The following MED12L variants were observed in gnomAD, a reference collection of about 807,000 sequenced individuals.
MED12L encodes the protein mediator complex subunit 12L.
Under a neutral mutation model 281.3 loss-of-function variants are expected in MED12L, and 60 were observed. That is an observed-to-expected ratio of 0.21 (90% CI 0.17 to 0.26). The LOEUF (loss-of-function observed/expected upper bound fraction) is 0.26. Ranked by LOEUF, MED12L falls within the 10% of genes least tolerant of loss-of-function variation. The probability of loss-of-function intolerance (pLI) is 1.00; values close to 1 mark genes in which losing one functional copy is unlikely to be tolerated. For missense variants in MED12L, 2,146 were observed against 2,680.9 expected (o/e 0.80, Z 4.41); for synonymous variants, 974 against 987.2 (o/e 0.99, Z 0.25).
At chr3:151,164,884 G>A (rs1720482332) in intron 9 of MED12L, among the ~76,000 whole-genome samples, 1 of 152,096 alleles carries the variant, frequency 6.6e-6, no homozygotes, top group African/African-American at 2.4e-5. Context: ...GATGGCATTA[G>A]GAGATATACC....
At chr3:151,280,522 T>G (rs905395783) in intron 16 of MED12L, among the ~76,000 whole-genome samples, 1 of 152,184 alleles carries the variant, frequency 6.6e-6, no homozygotes, top group African/African-American at 2.4e-5. Context: ...ATATGTCTCC[T>G]CTGATTTCAT....
intron 16 of MED12L, chr3:151,213,714 C>T (rs1727601816): frequency 6.2e-7 from 1 of 1,614,020 alleles, no homozygotes; most frequent in Admixed American, 1.7e-5. Context: ...AAACGATTAA[C>T]AAAAGAAACA....
chr3:151,379,699 C>T (rs1245959059), intron 31 of MED12L, among the ~76,000 whole-genome samples: 1 of 152,142 alleles, frequency 6.6e-6, no homozygotes, highest in African/African-American at 2.4e-5. Flanking sequence ...TATATATAGG[C>T]CTGTTTTCCC....
intron 16 of MED12L, among the ~76,000 whole-genome samples, chr3:151,347,756 C>T (rs1349088113): frequency 8.5e-5 from 13 of 152,130 alleles, no homozygotes; most frequent in Non-Finnish European, 1.8e-4. Context: ...CATTATACTT[C>T]GAAGCATTTT....
chr3:151,226,188 G>T (rs1013519692), intron 16 of MED12L, among the ~76,000 whole-genome samples: 2 of 152,194 alleles, frequency 1.3e-5, no homozygotes, highest in African/African-American at 4.8e-5. Context: ...GGTGGCATCA[G>T]GGCAGCCTTC....
intron 16 of MED12L, among the ~76,000 whole-genome samples, chr3:151,348,573 C>CT (rs542135245): frequency 0.05 from 6,641 of 132,354 alleles, 285 homozygotes; most frequent in African/African-American, 0.12. Context: ...CTCCTAGCTT[C>CT]TTTTTTTTTT....
intron 16 of MED12L, among the ~76,000 whole-genome samples, chr3:151,208,674 A>T (rs1253409803): frequency 6.6e-6 from 1 of 152,136 alleles, no homozygotes; most frequent in Admixed American, 6.5e-5. Context: ...GCAAGACTCT[A>T]TGTCAAAAAA....
chr3:151,330,568 G>A (rs1222320291), intron 16 of MED12L, among the ~76,000 whole-genome samples: 1 of 152,148 alleles, frequency 6.6e-6, no homozygotes, highest in Non-Finnish European at 1.5e-5. Context: ...TGGAGTTCAT[G>A]GTGAGTTTCA....
Position 151,158,785 on chromosome 3 carries a change from C to T in MED12L, c.823C>T (p.Pro275Ser). 1 of 1,608,860 alleles carries T rather than the reference C, an allele frequency of 6.2e-7. No homozygotes were observed. Among genetic ancestry groups the T allele is most frequent in the Non-Finnish European group, 8.5e-7 (1 of 1,175,706 alleles). Residue 275 changes from proline to serine, a missense_variant, in exon 7 of 45, where the codon CCA becomes TCA. By Grantham distance (74) the Pro-to-Ser change is moderately conservative. Around this residue, in one of 9 missense-constraint regions of MED12L, gnomAD observed 722 missense variants for 861.2 expected, o/e 0.84. Coordinates refer to ENST00000687756, the MANE Select transcript of MED12L (RefSeq NM_001393769.1). ...MDDDLLKLLL[P>S]LMLQYSDEFV... ...TGATGATCTTCTTAAACTCTTGCTA[C>T]CACTAATGCTGCAGGTATAGTACAT...
intron 16 of MED12L, chr3:151,213,475 A>C: frequency 6.2e-7 from 1 of 1,614,202 alleles, no homozygotes; most frequent in Non-Finnish European, 8.5e-7. Context: ...AGATAGTAGC[A>C]GAGTGAATTC....
At chr3:151,328,624 C>T in intron 16 of MED12L, 1 of 1,613,696 alleles carries the variant, frequency 6.2e-7, no homozygotes, top group African/African-American at 1.3e-5. Flanking sequence ...GTCTGATGAT[C>T]TTGAGGAATC....
intron 16 of MED12L, among the ~76,000 whole-genome samples, chr3:151,303,075 A>G (rs144857447): frequency 9.2e-5 from 14 of 152,312 alleles, no homozygotes; most frequent in African/African-American, 2.2e-4. Flanking sequence ...AAGATAAGGT[A>G]TAATAGTCTA....
At position 151,257,223 on chromosome 3, in the gene MED12L, A is replaced by G. The variant is rs1244509450; in HGVS notation, c.2250+63557A>G. Among the ~76,000 whole-genome samples, 4 of 152,200 alleles carry G rather than the reference A, an allele frequency of 2.6e-5. No homozygotes were observed. The South Asian group carries it at 8.3e-4, about 31-fold the overall frequency. On this transcript the variant is annotated intron_variant, in intron 16 of 44. Coordinates refer to ENST00000687756, the MANE Select transcript of MED12L (RefSeq NM_001393769.1). Reference sequence around the variant, plus strand: ...TCTTTCTCTGTACCACTTATTCTTCAGCTTCAGTGTAATTCTCAGTTTACT... The same window carrying G: ...TCTTTCTCTGTACCACTTATTCTTCGGCTTCAGTGTAATTCTCAGTTTACT...
Position 151,380,168 on chromosome 3 carries a change from G to C in MED12L, c.4534G>C (p.Gly1512Arg). The C allele has an allele frequency of 6.2e-7, 1 of 1,610,100 alleles. No individual in the cohort carries two copies. Among genetic ancestry groups the C allele is most frequent in the Non-Finnish European group, 8.5e-7 (1 of 1,178,656 alleles). ...CTCACTGGTACTTACCTGCCTTAAG[G>C]GACAAGATGAACAAAGGGAAGGCCT... ...FLSLVLTCLK[G>R]QDEQREGLLT... Residue 1512 changes from glycine (G) to arginine (R), a missense_variant, in exon 32 of 45, where the codon GGA becomes CGA. Gly to Arg is a moderately radical substitution (Grantham distance 125). Coordinates refer to ENST00000687756, the MANE Select transcript of MED12L (RefSeq NM_001393769.1).
intron 17 of MED12L, among the ~76,000 whole-genome samples, chr3:151,353,505 C>A (rs1367111483): frequency 6.6e-6 from 1 of 152,164 alleles, no homozygotes; most frequent in South Asian, 2.1e-4. Context: ...ACTTATGTTA[C>A]CCCAGCACCT....
chr3:151,213,286 A>G, intron 16 of MED12L: 1 of 1,567,254 alleles, frequency 6.4e-7, no homozygotes, highest in Non-Finnish European at 8.6e-7. Flanking sequence ...CTTTCTTTGG[A>G]AGAGGGTAGG....
chr3:151,362,933 T>G (rs901187489), intron 21 of MED12L, among the ~76,000 whole-genome samples: 2 of 152,128 alleles, frequency 1.3e-5, no homozygotes, highest in African/African-American at 4.8e-5. Flanking sequence ...CATTTCAGCT[T>G]ACATTTTTCA....
At chr3:151,335,787 T>C (rs531944161) in intron 16 of MED12L, among the ~76,000 whole-genome samples, 3 of 152,308 alleles carry the variant, frequency 2.0e-5, no homozygotes, top group South Asian at 2.1e-4. Context: ...AATAAAGATA[T>C]CCCAGCAAAG....
Position 151,184,769 on chromosome 3 carries a change from C to A in MED12L, c.1495-561C>A, listed in dbSNP as rs147934283. 8.4e-3 allele frequency among the ~76,000 whole-genome samples: 1,282 copies of A among 152,276 alleles called. 10 individuals are homozygous for A. Among genetic ancestry groups the A allele is most frequent in the Middle Eastern group, 0.027 (8 of 294 alleles). ...CCTTAATTGTTGGTTCGTTTTGGTGCTGGGCTGTCATTTTTCGTGTTTGTT... is the reference window on the plus strand; with the variant it reads ...CCTTAATTGTTGGTTCGTTTTGGTGATGGGCTGTCATTTTTCGTGTTTGTT... On this transcript the variant is annotated intron_variant, in intron 11 of 44. Transcript: ENST00000687756.
Sources: gnomAD v4.1 joint callset for allele counts (sites outside exome capture counted in the v4.1 genomes callset) on GRCh38, gnomAD v4.1.1 for gene constraint, gnomAD v4.1.1 regional missense constraint, MANE v1.5 for transcripts, NCBI Gene and HGNC (gene_info 2026-07-23, HGNC 2026-07-21) for gene names.